Variants in PRKG1 observed in about 807,000 individuals in gnomAD.
PRKG1 encodes the protein cGMP-dependent protein kinase 1.
Under a neutral mutation model 88.1 loss-of-function variants are expected in PRKG1, and 35 were observed. The observed-to-expected ratio is 0.40, with a 90% confidence interval of 0.30 to 0.53. PRKG1 has a LOEUF of 0.53. Among genes scored for constraint, PRKG1 ranks in the 20% least tolerant of loss-of-function variants. The pLI, the probability that PRKG1 is intolerant of heterozygous loss-of-function variation, is 0.59. For synonymous variants in PRKG1, 303 were observed against 292.5 expected, an observed-to-expected ratio of 1.04 and a Z score of -0.37; for missense variants, 540 against 839.8, an observed-to-expected ratio of 0.64 and a Z score of 4.41.
chr10:52,128,011 C>G, intron 7 of PRKG1: 1 of 978,122 alleles, frequency 1.0e-6, no homozygotes, highest in Non-Finnish European at 1.2e-6. Context: ...TTTTGTGGTT[C>G]TTTGATGCTT....
At position 51,847,219 on chromosome 10, in the gene PRKG1, A is replaced by G. The variant is rs1840421460; in HGVS notation, c.698+42529A>G. Reference sequence around the variant, plus strand: ...TAATTTCCAAAAGAATTTAGTCAATATAGAAATACTTTGTTACAATTTACC... The same window carrying G: ...TAATTTCCAAAAGAATTTAGTCAATGTAGAAATACTTTGTTACAATTTACC... On this transcript the variant is annotated intron_variant, in intron 4 of 17. Transcript: ENST00000373980. Among the ~76,000 whole-genome samples the G allele has an allele frequency of 2.0e-5, 3 of 152,238 alleles. No individual in the cohort carries two copies. In the South Asian group the frequency reaches 6.2e-4, roughly 31 times the overall value.
At chr10:52,200,075 T>C (rs1839623679) in intron 9 of PRKG1, among the ~76,000 whole-genome samples, 1 of 152,180 alleles carries the variant, frequency 6.6e-6, no homozygotes, top group Non-Finnish European at 1.5e-5. Context: ...TTTTTAACTT[T>C]TAGTTGCGGG....
intron 9 of PRKG1, among the ~76,000 whole-genome samples, chr10:52,169,952 C>A (rs936160982): frequency 2.0e-5 from 3 of 151,984 alleles, no homozygotes; most frequent in African/African-American, 4.8e-5. Flanking sequence ...AAGAGTGAGA[C>A]CATCTCCACG....
chr10:51,429,734 GAGA>G (rs1000738813), intron 2 of PRKG1, among the ~76,000 whole-genome samples: 6 of 151,316 alleles, frequency 4.0e-5, no homozygotes, highest in African/African-American at 1.5e-4. Context: ...AGATGGCAGA[GAGA>G]AGAACATAGA....
intron 8 of PRKG1, among the ~76,000 whole-genome samples, chr10:52,142,851 T>C (rs1837620861): frequency 6.6e-6 from 1 of 152,176 alleles, no homozygotes; most frequent in South Asian, 2.1e-4. Flanking sequence ...CGTTTATCTG[T>C]ATTAACTTAC....
chr10:51,105,394 G>A (rs1287880587), intron 1 of PRKG1, among the ~76,000 whole-genome samples: 1 of 152,170 alleles, frequency 6.6e-6, no homozygotes, highest in Admixed American at 6.5e-5. Flanking sequence ...TACCTTGGAT[G>A]TGTGGTATTA....
chr10:52,183,047 A>G (rs548716977), intron 9 of PRKG1, among the ~76,000 whole-genome samples: 151 of 152,332 alleles, frequency 9.9e-4, no homozygotes, highest in Admixed American at 1.6e-3. Flanking sequence ...TTAAACAATC[A>G]GATCTCATGT....
chr10:52,130,306 TC>T (rs1564481838), intron 7 of PRKG1, among the ~76,000 whole-genome samples: 1 of 152,120 alleles, frequency 6.6e-6, no homozygotes, highest in African/African-American at 2.4e-5. Context: ...TTTGATATTT[TC>T]CCCAATCTAC....
At chr10:51,079,583 A>C (rs1356682848) in intron 1 of PRKG1, among the ~76,000 whole-genome samples, 1 of 152,140 alleles carries the variant, frequency 6.6e-6, no homozygotes, top group African/African-American at 2.4e-5. Context: ...GTGGAAAAGC[A>C]AGTTTAGGCC....
rs182918987 is a variant in PRKG1 at position 52,089,694 on chromosome 10, G to A, written c.935+27063G>A. Among the ~76,000 whole-genome samples the A allele has an allele frequency of 1.2e-3, 183 of 151,928 alleles. 1 individual carries two copies. Among genetic ancestry groups the A allele is most frequent in the Non-Finnish European group, 1.8e-3 (124 of 67,970 alleles). On this transcript the variant is annotated intron_variant, in intron 7 of 17. Coordinates refer to ENST00000373980, the MANE Select transcript of PRKG1 (RefSeq NM_006258.4). ...CAAGTTCAGATATATTTATATACAT[G>A]GGTTAGCAAACATATTTTCTAGTTC...
intron 5 of PRKG1, among the ~76,000 whole-genome samples, chr10:52,020,005 TA>T (rs1417396180): frequency 6.6e-6 from 1 of 152,070 alleles, no homozygotes; most frequent in African/African-American, 2.4e-5. Flanking sequence ...ATAATCTTAA[TA>T]TATTGTATTT....
At chr10:51,722,554 G>A (rs572166239) in intron 3 of PRKG1, among the ~76,000 whole-genome samples, 1 of 152,032 alleles carries the variant, frequency 6.6e-6, no homozygotes, top group African/African-American at 2.4e-5. Flanking sequence ...ATAACCTTAT[G>A]ATCTAAACAG....
intron 9 of PRKG1, among the ~76,000 whole-genome samples, chr10:52,233,327 A>T (rs1341091868): frequency 6.6e-6 from 1 of 152,174 alleles, no homozygotes; most frequent in Non-Finnish European, 1.5e-5. Context: ...AAGAATTGTC[A>T]TAATAGCTCC....
intron 16 of PRKG1, among the ~76,000 whole-genome samples, chr10:52,289,804 G>A (rs911208195): frequency 6.6e-6 from 1 of 152,152 alleles, no homozygotes; most frequent in African/African-American, 2.4e-5. Context: ...TTAATTAGCT[G>A]ACACTGTGCA....
chr10:52,124,051 A>G (rs1847878875), intron 7 of PRKG1, among the ~76,000 whole-genome samples: 1 of 152,166 alleles, frequency 6.6e-6, no homozygotes, highest in Non-Finnish European at 1.5e-5. Flanking sequence ...ATGGCTACTA[A>G]GTGGCTAATG....
intron 2 of PRKG1, among the ~76,000 whole-genome samples, chr10:51,348,486 C>G (rs1407869490): frequency 6.6e-6 from 1 of 152,130 alleles, no homozygotes; most frequent in East Asian, 1.9e-4. Flanking sequence ...TTACTCTGAC[C>G]TTCTCCATCA....
At chr10:52,233,339 G>C (rs1825680748) in intron 9 of PRKG1, among the ~76,000 whole-genome samples, 2 of 149,438 alleles carry the variant, frequency 1.3e-5, no homozygotes, top group Non-Finnish European at 3.0e-5. Context: ...AATAGCTCCG[G>C]TCTACAGCTC....
intron 1 of PRKG1, among the ~76,000 whole-genome samples, chr10:51,097,706 A>G (rs954619674): frequency 7.2e-5 from 11 of 152,130 alleles, no homozygotes; most frequent in Non-Finnish European, 1.5e-4. Context: ...AGAGCAGCTC[A>G]TCTCCCAGGA....
intron 2 of PRKG1, among the ~76,000 whole-genome samples, chr10:51,280,626 C>A (rs1840268151): frequency 6.6e-6 from 1 of 152,204 alleles, no homozygotes; most frequent in Non-Finnish European, 1.5e-5. Flanking sequence ...GATCTTCCAT[C>A]ACTGATACCC....
Sources: allele counts gnomAD v4.1 joint callset (sites outside exome capture counted in the v4.1 genomes callset), GRCh38; gene constraint gnomAD v4.1.1; transcripts MANE v1.5; gene names NCBI Gene and HGNC (gene_info 2026-07-23, HGNC 2026-07-21).